NTM: variants seen among roughly 807,000 people sequenced by gnomAD.
NTM encodes neurotrimin.
A neutral mutation model predicts 42.1 loss-of-function variants in NTM; 13 were observed. That is an observed-to-expected ratio of 0.31 (90% CI 0.20 to 0.49). The LOEUF is 0.49. Ranked by LOEUF, NTM falls within the 20% of genes least tolerant of loss-of-function variation. The pLI, the probability that NTM is intolerant of heterozygous loss-of-function variation, is 0.99. For synonymous variants in NTM, 187 were observed against 179.2 expected (o/e 1.04, Z -0.35); for missense variants, 373 against 452.8 (o/e 0.82, Z 1.60).
At chr11:131,648,293 G>C (rs1025270733) in intron 1 of NTM, among the ~76,000 whole-genome samples, 2 of 152,130 alleles carry the variant, frequency 1.3e-5, no homozygotes, top group African/African-American at 4.8e-5. Context: ...AGTCATGCTG[G>C]AGTGAACATG....
At chr11:131,902,658 G>T (rs1375031558) in intron 1 of NTM, among the ~76,000 whole-genome samples, 1 of 152,152 alleles carries the variant, frequency 6.6e-6, no homozygotes, top group African/African-American at 2.4e-5. Context: ...TGGTGTGTCT[G>T]TATATGTTTG....
chr11:131,789,498 AAGAAGAAG>A lies in NTM; in HGVS notation c.83-122064_83-122057del, dbSNP rs1565551115. 1.8e-3 allele frequency among the ~76,000 whole-genome samples: 10 copies of A among 5,542 alleles called. 4 individuals carry two copies. The highest frequency in any genetic ancestry group is 3.9e-3 in the African/African-American group (5 of 1,282). 3.6% of individuals were successfully genotyped at this position (5,542 alleles called of 152,430 possible). A position where few individuals can be genotyped will look rare whatever the true frequency, so the allele number is the denominator to read the frequency against. ...AAGAAGAAGAAGAAGAAGAGGAAAG[AAGAAGAAG>A]AAGAAGAAGAAGAAGAAGAAGAAGA... On this transcript the variant is annotated intron_variant, in intron 1 of 8. Coordinates refer to ENST00000683400, the MANE Select transcript of NTM (RefSeq NM_001352005.2).
intron 4 of NTM, among the ~76,000 whole-genome samples, chr11:132,306,005 G>A (rs750958311): frequency 1.6e-4 from 24 of 152,298 alleles, no homozygotes; most frequent in Middle Eastern, 3.4e-3. Context: ...GCAAGAAACC[G>A]TCTGTACATA....
At chr11:131,731,945 A>G (rs2079748787) in intron 1 of NTM, among the ~76,000 whole-genome samples, 1 of 152,168 alleles carries the variant, frequency 6.6e-6, no homozygotes, top group Admixed American at 6.5e-5. Flanking sequence ...TGTGTATCTG[A>G]AGCCCTACTA....
chr11:132,258,401 T>C (rs1312260322), intron 4 of NTM, among the ~76,000 whole-genome samples: 2 of 152,176 alleles, frequency 1.3e-5, no homozygotes, highest in African/African-American at 4.8e-5. Context: ...TATAGTCTTC[T>C]AGGAGGTCGC....
At chr11:131,811,092 G>C (rs1156918185) in intron 1 of NTM, among the ~76,000 whole-genome samples, 1 of 152,192 alleles carries the variant, frequency 6.6e-6, no homozygotes, top group Non-Finnish European at 1.5e-5. Context: ...GTGCTTTCCT[G>C]AGTAGGAATG....
rs983825380 is a variant in NTM, at chr11:132,004,903, C to T, written c.167+93255C>T. On this transcript the variant is annotated intron_variant, in intron 2 of 8. Coordinates refer to ENST00000683400, the MANE Select transcript of NTM (RefSeq NM_001352005.2). ...GATGTTTGAAATATGAAATTGCTGA[C>T]AGTTTTAATAGTTGCATTTAGAATG... Among the ~76,000 whole-genome samples, 6 of 152,142 alleles carry T rather than the reference C, an allele frequency of 3.9e-5. No homozygotes were observed. The South Asian group carries it at 1.2e-3, about 31-fold the overall frequency.
In NTM at chr11:131,737,504, G is replaced by A. The variant is rs1424471553; in HGVS notation, c.83-174060G>A. On this transcript the variant is annotated intron_variant, in intron 1 of 8. Coordinates refer to ENST00000683400, the MANE Select transcript of NTM (RefSeq NM_001352005.2). ...ATTTTTATCTGGTATAAACTGTGTT[G>A]ATTTTTCGGCATTTTCTTATTTGTT... Among the ~76,000 whole-genome samples the A allele has an allele frequency of 2.0e-5, 3 of 152,186 alleles. No individual in the cohort carries two copies. In the East Asian group the frequency reaches 5.8e-4, roughly 29 times the overall value.
chr11:132,215,607 A>T lies in NTM; in HGVS notation c.526+3460A>T, dbSNP rs902401009. 2.0e-5 allele frequency among the ~76,000 whole-genome samples: 3 copies of T among 152,336 alleles called. No homozygotes were observed. In the East Asian group the frequency reaches 5.8e-4, roughly 29 times the overall value. The stretch of plus-strand genomic sequence containing the variant: ...CAGATAGAGAAAATGTCAGTTGTGC[A>T]TGTCCAGTACAGAGAGGGAGGTAGG... On this transcript the variant is annotated intron_variant, in intron 4 of 8. Transcript: ENST00000683400.
chr11:131,575,434 C>T (rs181707549), intron 1 of NTM, among the ~76,000 whole-genome samples: 5 of 152,240 alleles, frequency 3.3e-5, no homozygotes, highest in African/African-American at 4.8e-5. Context: ...ATTTATATGG[C>T]AGTACACAAC....
intron 1 of NTM, among the ~76,000 whole-genome samples, chr11:131,525,410 G>C (rs1410985606): frequency 6.6e-6 from 1 of 152,222 alleles, no homozygotes; most frequent in African/African-American, 2.4e-5. Context: ...GCGAGACAAG[G>C]GAAGTGGTTT....
chr11:131,653,640 T>G (rs191385688), intron 1 of NTM, among the ~76,000 whole-genome samples: 17 of 152,336 alleles, frequency 1.1e-4, no homozygotes, highest in Admixed American at 9.8e-4. Flanking sequence ...GCCAGCTTGC[T>G]GCTCCTACCC....
chr11:131,945,191 AAAAC>A (rs1216761408), intron 2 of NTM, among the ~76,000 whole-genome samples: 3 of 152,244 alleles, frequency 2.0e-5, no homozygotes, highest in Non-Finnish European at 2.9e-5. Context: ...CTATTTGTGT[AAAAC>A]AAACAGAGGC....
intron 1 of NTM, among the ~76,000 whole-genome samples, chr11:131,591,510 G>A (rs1183605019): frequency 6.6e-6 from 1 of 152,194 alleles, no homozygotes; most frequent in African/African-American, 2.4e-5. Flanking sequence ...TGACAACCCT[G>A]CACGGAGATG....
rs147707216 is a variant in NTM at position 132,229,974 on chromosome 11, G to A, written c.526+17827G>A. Among the ~76,000 whole-genome samples the A allele has an allele frequency of 1.1e-4, 16 of 152,326 alleles. 1 individual carries two copies. The highest frequency in any genetic ancestry group is 1.8e-4 in the Non-Finnish European group (12 of 68,026). Reference sequence around the variant, plus strand: ...CAGCAACCTTCCTTCCATGGCAACTGCCGTCATAGAATCTGGGCTGCCTTG... The same window carrying A: ...CAGCAACCTTCCTTCCATGGCAACTACCGTCATAGAATCTGGGCTGCCTTG... On this transcript the variant is annotated intron_variant, in intron 4 of 8. Coordinates refer to ENST00000683400, the MANE Select transcript of NTM (RefSeq NM_001352005.2).
chr11:131,970,421 T>C (rs1249550406), intron 2 of NTM, among the ~76,000 whole-genome samples: 1 of 152,242 alleles, frequency 6.6e-6, no homozygotes, highest in Non-Finnish European at 1.5e-5. Context: ...GTCATTCATT[T>C]GTCAGGCCTA....
intron 2 of NTM, among the ~76,000 whole-genome samples, chr11:131,932,813 G>A (rs1490241468): frequency 6.6e-6 from 1 of 152,208 alleles, no homozygotes; most frequent in Non-Finnish European, 1.5e-5. Flanking sequence ...TGGAACAGCC[G>A]ATCCTTGGGG....
chr11:131,409,335 C>T (rs1257968402), intron 1 of NTM, among the ~76,000 whole-genome samples: 1 of 152,182 alleles, frequency 6.6e-6, no homozygotes, highest in East Asian at 1.9e-4. Context: ...CCCTGAGAGC[C>T]CCCATCTGGG....
chr11:132,161,740 C>T (rs187885116), intron 3 of NTM, among the ~76,000 whole-genome samples: 3 of 152,164 alleles, frequency 2.0e-5, no homozygotes, highest in East Asian at 1.9e-4. Flanking sequence ...ACCCAGACTG[C>T]GATTCCCTCC....
Sources: gnomAD v4.1 joint callset for allele counts (sites outside exome capture counted in the v4.1 genomes callset) on GRCh38, gnomAD v4.1.1 for gene constraint, MANE v1.5 for transcripts, NCBI Gene and HGNC (gene_info 2026-07-23, HGNC 2026-07-21) for gene names.